The following MEI4 variants were observed in gnomAD, a reference collection of about 807,000 sequenced individuals.
The protein encoded by MEI4 is meiotic double-stranded break formation protein 4, also known as meiosis-specific protein MEI4.
Under a neutral mutation model 31.4 loss-of-function variants are expected in MEI4, and 27 were observed. The ratio of observed to expected loss-of-function variants is 0.86; its 90% CI spans 0.63 to 1.19. The LOEUF is 1.19. MEI4 is among the 50% of genes most tolerant of loss of function. The pLI is 0.00. For synonymous variants in MEI4, 122 were observed against 145.4 expected (o/e 0.84, Z 1.16); for missense variants, 329 against 398.9 (o/e 0.82, Z 1.49).
rs1446027881 is a variant in MEI4 at position 77,926,586 on chromosome 6, A to T, written c.*3240A>T. On this transcript the variant is annotated 3_prime_UTR_variant, in exon 5 of 5. Transcript: ENST00000684080. Reference sequence around the variant, plus strand: ...TTCAAGAGAGGCAGGGAAACAAGGCATTTGCATTTCCAAAATTTTATGTAC... The same window carrying T: ...TTCAAGAGAGGCAGGGAAACAAGGCTTTTGCATTTCCAAAATTTTATGTAC... The T allele has an allele frequency of 6.6e-6, 1 of 151,936 alleles. No homozygotes were observed. Among genetic ancestry groups the T allele is most frequent in the Non-Finnish European group, 1.5e-5 (1 of 67,936 alleles). 9.4% of individuals were successfully genotyped at this position (151,936 alleles called of 1,614,324 possible).
Position 77,907,845 on chromosome 6 carries a change from T to C in MEI4, c.901-15244T>C, listed in dbSNP as rs1235671225. On this transcript the variant is annotated intron_variant, in intron 4 of 4. Transcript: ENST00000684080. ...AACTTTTTAATGATCACCATTCTCA[T>C]TGGTATGAGATGGTATCTCATTGTG... Among the ~76,000 whole-genome samples, 4 of 152,098 alleles carry C rather than the reference T, an allele frequency of 2.6e-5. No individual in the cohort carries two copies. The East Asian group carries it at 7.7e-4, about 29-fold the overall frequency.
At chr6:77,850,566 G>A (rs1427794620) in intron 4 of MEI4, among the ~76,000 whole-genome samples, 2 of 152,174 alleles carry the variant, frequency 1.3e-5, no homozygotes, top group Admixed American at 6.5e-5. Flanking sequence ...ATGGTGCTGG[G>A]AAGACTGGCT....
At chr6:77,916,221 A>C (rs1354388443) in intron 4 of MEI4, among the ~76,000 whole-genome samples, 2 of 151,972 alleles carry the variant, frequency 1.3e-5, no homozygotes, top group Non-Finnish European at 2.9e-5. Flanking sequence ...TTTTTTTAAA[A>C]TTGATATTTT....
At chr6:77,751,653 C>A (rs770328080) in intron 2 of MEI4, among the ~76,000 whole-genome samples, 2 of 152,026 alleles carry the variant, frequency 1.3e-5, no homozygotes, top group Non-Finnish European at 1.5e-5. Context: ...AAGTCCAGGA[C>A]CAGATGGATT....
chr6:77,653,619 C>G (rs1279021031), intron 1 of MEI4, among the ~76,000 whole-genome samples: 6 of 152,058 alleles, frequency 3.9e-5, no homozygotes, highest in Admixed American at 2.0e-4. Context: ...TCACTCCTGT[C>G]AAAATTTATC....
Position 77,822,173 on chromosome 6 carries a change from A to G in MEI4, c.769-6758A>G, listed in dbSNP as rs146686157. ...GATTTATTTCGTGTTAAGATATACT[A>G]TCAAATTCTGGAAATAAGGCAAAGG... On this transcript the variant is annotated intron_variant, in intron 3 of 4. Transcript: ENST00000684080. 1.4e-3 allele frequency among the ~76,000 whole-genome samples: 209 copies of G among 152,296 alleles called. 1 individual carries two copies. Among genetic ancestry groups the G allele is most frequent in the African/African-American group, 4.4e-3 (183 of 41,540 alleles).
chr6:77,699,637 TGGA>T (rs1363524318), intron 2 of MEI4, among the ~76,000 whole-genome samples: 1 of 152,224 alleles, frequency 6.6e-6, no homozygotes, highest in Non-Finnish European at 1.5e-5. Context: ...TGTGTTCCTT[TGGA>T]GGAGGAGAGG....
intron 4 of MEI4, among the ~76,000 whole-genome samples, chr6:77,910,808 A>T (rs2127738737): frequency 6.6e-6 from 1 of 152,076 alleles, no homozygotes; most frequent in Admixed American, 6.6e-5. Flanking sequence ...TTATATTGTA[A>T]TTCTATTTTT....
At chr6:77,756,353 G>A (rs753428981) in intron 2 of MEI4, among the ~76,000 whole-genome samples, 25 of 151,862 alleles carry the variant, frequency 1.6e-4, no homozygotes, top group Non-Finnish European at 3.4e-4. Flanking sequence ...AGTCACAGCT[G>A]CCCACTATTA....
intron 4 of MEI4, among the ~76,000 whole-genome samples, chr6:77,908,666 A>C (rs1454325157): frequency 6.6e-6 from 1 of 151,970 alleles, no homozygotes; most frequent in African/African-American, 2.4e-5. Flanking sequence ...TTAAAGTAGC[A>C]AATGGAAAAC....
chr6:77,763,366 C>T (rs562705175), intron 3 of MEI4, among the ~76,000 whole-genome samples: 4 of 152,112 alleles, frequency 2.6e-5, no homozygotes, highest in Non-Finnish European at 5.9e-5. Flanking sequence ...CCCAGCACAG[C>T]ACCAGGACTT....
At chr6:77,914,531 G>A (rs956526284) in intron 4 of MEI4, among the ~76,000 whole-genome samples, 10 of 151,988 alleles carry the variant, frequency 6.6e-5, no homozygotes, top group African/African-American at 2.4e-4. Flanking sequence ...GATATTTCAT[G>A]TGCTGATAAG....
intron 3 of MEI4, among the ~76,000 whole-genome samples, chr6:77,789,738 TA>T (rs1768861136): frequency 6.6e-6 from 1 of 152,060 alleles, no homozygotes; most frequent in African/African-American, 2.4e-5. Context: ...TGGCAATCAT[TA>T]AAAAGTCAGG....
intron 2 of MEI4, among the ~76,000 whole-genome samples, chr6:77,753,921 A>G (rs992396823): frequency 1.3e-5 from 2 of 152,200 alleles, no homozygotes; most frequent in Non-Finnish European, 1.5e-5. Context: ...CTGTGCAGCC[A>G]TGAAAAAGGA....
At chr6:77,912,175 C>T (rs1766448772) in intron 4 of MEI4, among the ~76,000 whole-genome samples, 3 of 151,940 alleles carry the variant, frequency 2.0e-5, no homozygotes, top group Admixed American at 2.0e-4. Context: ...TTATTCTGTT[C>T]AATTAGTCTA....
chr6:77,782,119 A>C (rs1768610455), intron 3 of MEI4, among the ~76,000 whole-genome samples: 1 of 152,088 alleles, frequency 6.6e-6, no homozygotes, highest in African/African-American at 2.4e-5. Flanking sequence ...GAGAGAGGGT[A>C]ATGTTGTGGA....
intron 2 of MEI4, among the ~76,000 whole-genome samples, chr6:77,755,825 GGTGTGTGTGT>G (rs34181852): frequency 6.9e-6 from 1 of 145,168 alleles, no homozygotes; most frequent in East Asian, 2.0e-4. Context: ...GTGCTGGAAT[GGTGTGTGTGT>G]GTGTGTGTGT....
intron 1 of MEI4, among the ~76,000 whole-genome samples, chr6:77,667,382 T>C (rs1270126139): frequency 6.6e-6 from 1 of 152,156 alleles, no homozygotes; most frequent in Non-Finnish European, 1.5e-5. Context: ...TCCATATCGA[T>C]AAATTTCCCT....
chr6:77,726,919 A>G (rs1467365770), intron 2 of MEI4, among the ~76,000 whole-genome samples: 8 of 140,668 alleles, frequency 5.7e-5, no homozygotes, highest in Admixed American at 5.5e-4. Context: ...GGTGCTTTAA[A>G]TAAATAACGT....
Sources: allele counts gnomAD v4.1 joint callset (sites outside exome capture counted in the v4.1 genomes callset), GRCh38; gene constraint gnomAD v4.1.1; transcripts MANE v1.5; gene names NCBI Gene and HGNC (gene_info 2026-07-23, HGNC 2026-07-21).